The following ZNF141 variants were observed in gnomAD, a reference collection of about 807,000 sequenced individuals.
ZNF141 encodes the protein zinc finger protein 141 (clone pHZ-44).
Under a neutral mutation model 11.3 loss-of-function variants are expected in ZNF141, and 7 were observed. The ratio of observed to expected loss-of-function variants is 0.62; its 90% confidence interval spans 0.35 to 1.16. The LOEUF (loss-of-function observed/expected upper bound fraction) is 1.16. Ranked by LOEUF, ZNF141 falls within the 50% of genes most tolerant of loss-of-function variation. The pLI, the probability that ZNF141 is intolerant of heterozygous loss-of-function variation, is 0.02. For synonymous variants in ZNF141, 183 were observed against 190.7 expected (o/e 0.96, Z 0.33); for missense variants, 535 against 554.0 (o/e 0.97, Z 0.34).
chr4:350,195 T>C (rs377326975), intron 3 of ZNF141: 2 of 534,706 alleles, frequency 3.7e-6, no homozygotes, highest in Non-Finnish European at 7.7e-6. Flanking sequence ...TTTCCTTGTC[T>C]GTAGCCATGT....
chr4:338,829 T>C (rs2108678471), intron 1 of ZNF141, among the ~76,000 whole-genome samples: 1 of 152,312 alleles, frequency 6.6e-6, no homozygotes, highest in African/African-American at 2.4e-5. Context: ...GAGCATTGAC[T>C]GGTGTTGAGC....
chr4:377,490 T>G lies in ZNF141; in HGVS notation c.*3628T>G, dbSNP rs1712426056. ...TTCAGTTTTGTGATATCTTTATGAT[T>G]TATCCCCAGCTATGTATGCCTCAGA... On this transcript the variant is annotated 3_prime_UTR_variant, in exon 4 of 4. Coordinates refer to ENST00000240499, the MANE Select transcript of ZNF141 (RefSeq NM_003441.4). 6.6e-6 allele frequency among the ~76,000 whole-genome samples: 1 copy of G among 152,228 alleles called. No individual in the cohort carries two copies.
At position 349,708 on chromosome 4, in the gene ZNF141, G is replaced by A. The variant is rs376257631; in HGVS notation, c.226+5278G>A. ...GTTGTAGCTGGGTCACAAGGGTGCT[G>A]CTGGGTCTGCTGTGGGGTCTGCCTT... On this transcript the variant is annotated intron_variant, in intron 3 of 3. Transcript: ENST00000240499. Among the ~76,000 whole-genome samples, 148 of 152,312 alleles carry A rather than the reference G, an allele frequency of 9.7e-4. 8 individuals carry two copies. The South Asian group carries it at 0.03, about 31-fold the overall frequency.
chr4:370,366 T>C (rs1375516005), intron 3 of ZNF141, among the ~76,000 whole-genome samples: 1 of 152,196 alleles, frequency 6.6e-6, no homozygotes, highest in Admixed American at 6.5e-5. Context: ...CATCCTGTTA[T>C]TTTCAATGGA....
chr4:380,708 TATC>T lies in ZNF141; in HGVS notation c.*6847_*6849del, dbSNP rs1553855436. 6.6e-6 allele frequency among the ~76,000 whole-genome samples: 1 copy of T among 151,980 alleles called. No individual in the cohort carries two copies. On this transcript the variant is annotated 3_prime_UTR_variant, in exon 4 of 4. Coordinates refer to ENST00000240499, the MANE Select transcript of ZNF141 (RefSeq NM_003441.4). Reference sequence around the variant, plus strand: ...AGAAAATTAATAGCATAGGTATTATTATCCTCATTTTACAGAGAAAGAAACAGC... The same window carrying T: ...AGAAAATTAATAGCATAGGTATTATTCTCATTTTACAGAGAAAGAAACAGC...
intron 3 of ZNF141, among the ~76,000 whole-genome samples, chr4:370,524 C>T (rs1043009384): frequency 3.3e-5 from 5 of 152,072 alleles, no homozygotes; most frequent in African/African-American, 7.2e-5. Context: ...ATTTTTCCTT[C>T]AGCACGTTAA....
At chr4:367,914 C>A (rs1711828211) in intron 3 of ZNF141, among the ~76,000 whole-genome samples, 1 of 152,094 alleles carries the variant, frequency 6.6e-6, no homozygotes, top group Admixed American at 6.6e-5. Flanking sequence ...ATACACGTGC[C>A]ATAAATACTT....
In ZNF141 at chr4:378,424, C is replaced by T. The variant is rs1712468353; in HGVS notation, c.*4562C>T. ...AACTGGGACTACAATCGCCTGCCACCACGCCCAGTTAATTTTTATATTTTT... is the reference window on the plus strand; with the variant it reads ...AACTGGGACTACAATCGCCTGCCACTACGCCCAGTTAATTTTTATATTTTT... On this transcript the variant is annotated 3_prime_UTR_variant, in exon 4 of 4. Coordinates refer to ENST00000240499, the MANE Select transcript of ZNF141 (RefSeq NM_003441.4). Among the ~76,000 whole-genome samples, 1 of 151,896 alleles carries T rather than the reference C, an allele frequency of 6.6e-6. No homozygotes were observed.
At chr4:338,243 T>A (rs538463644) in intron 1 of ZNF141, 1 of 440,938 alleles carries the variant, frequency 2.3e-6, no homozygotes, top group Non-Finnish European at 4.1e-6. Context: ...GAGTAGCTTA[T>A]CTGGAAGCCG....
intron 1 of ZNF141, among the ~76,000 whole-genome samples, chr4:340,088 A>G (rs1720977470): frequency 6.6e-6 from 1 of 152,072 alleles, no homozygotes; most frequent in Admixed American, 6.5e-5. Flanking sequence ...CTAACAACAC[A>G]TTTTCTTGCT....
At chr4:345,205 A>C (rs1489920711) in intron 3 of ZNF141, among the ~76,000 whole-genome samples, 1 of 152,198 alleles carries the variant, frequency 6.6e-6, no homozygotes, top group African/African-American at 2.4e-5. Flanking sequence ...TTTTCTACTT[A>C]GTGTTTTTTA....
Position 382,514 on chromosome 4 carries a change from G to A in ZNF141, c.*8652G>A, listed in dbSNP as rs1467577584. ...TGCAAAGAATTTGTAGGTATGATTA[G>A]TGCATTATAGGTGTTTTCAAATTTC... On this transcript the variant is annotated 3_prime_UTR_variant, in exon 4 of 4. Coordinates refer to ENST00000240499, the MANE Select transcript of ZNF141 (RefSeq NM_003441.4). 1 of 152,204 alleles carries A rather than the reference G, an allele frequency of 6.6e-6. No homozygotes were observed. Among genetic ancestry groups the A allele is most frequent in the Non-Finnish European group, 1.5e-5 (1 of 68,032 alleles). 9.4% of individuals were successfully genotyped at this position (152,204 alleles called of 1,614,324 possible).
rs6828715 is a variant in ZNF141 at position 377,784 on chromosome 4, A to G, written c.*3922A>G. 0.99 allele frequency among the ~76,000 whole-genome samples: 150,898 copies of G among 152,326 alleles called. 74,751 individuals carry two copies. Among genetic ancestry groups the G allele is most frequent in the East Asian group, 1 (5,190 of 5,190 alleles). ...TGTAACAAAAGTTAGAATAAGTAAA[A>G]CATTAATATAAGTGGGTTGTATATT... On this transcript the variant is annotated 3_prime_UTR_variant, in exon 4 of 4. Transcript: ENST00000240499.
intron 1 of ZNF141, among the ~76,000 whole-genome samples, chr4:341,071 T>C (rs1345665501): frequency 1.5e-5 from 2 of 130,342 alleles, no homozygotes; most frequent in Non-Finnish European, 3.2e-5. Flanking sequence ...AAAACATTTT[T>C]CTTTTTTTTT....
In ZNF141 at chr4:384,717, C is replaced by T. The variant is rs1318629557; in HGVS notation, c.*10855C>T. On this transcript the variant is annotated 3_prime_UTR_variant, in exon 4 of 4. Coordinates refer to ENST00000240499, the MANE Select transcript of ZNF141 (RefSeq NM_003441.4). ...CAACACCCTTAGCGGGGAAATTTAC[C>T]CCTCCCATTTGGGCAGAACCCACAG... is the stretch of plus-strand genomic sequence containing the variant. 1.3e-5 allele frequency: 2 copies of T among 152,212 alleles called. No homozygotes were observed. The highest frequency in any genetic ancestry group is 2.9e-5 in the Non-Finnish European group (2 of 68,060). 9.4% of individuals were successfully genotyped at this position (152,212 alleles called of 1,614,324 possible). A position where few individuals can be genotyped will look rare whatever the true frequency, so the allele number is the denominator to read the frequency against.
Position 379,968 on chromosome 4 carries a change from A to T in ZNF141, c.*6106A>T, listed in dbSNP as rs113883159. Among the ~76,000 whole-genome samples the T allele has an allele frequency of 3.3e-5, 5 of 152,348 alleles. No individual in the cohort carries two copies. Among genetic ancestry groups the T allele is most frequent in the African/African-American group, 1.2e-4 (5 of 41,588 alleles). ...CCAAAAATACATTATTGTTAACTGT[A>T]GTCACCATGCTGTACAATAGATTTC... On this transcript the variant is annotated 3_prime_UTR_variant, in exon 4 of 4. Transcript: ENST00000240499.
rs1168800783 is a variant in ZNF141 at position 378,708 on chromosome 4, G to A, written c.*4846G>A. 6.6e-6 allele frequency among the ~76,000 whole-genome samples: 1 copy of A among 152,018 alleles called. No homozygotes were observed. The highest frequency in any genetic ancestry group is 1.5e-5 in the Non-Finnish European group (1 of 68,014). On this transcript the variant is annotated 3_prime_UTR_variant, in exon 4 of 4. Coordinates refer to ENST00000240499, the MANE Select transcript of ZNF141 (RefSeq NM_003441.4). Reference sequence around the variant, plus strand: ...GAATTTCTCATAATTCTTTGTTTTAGTGGATGCATTTCATGGGCTACAGTT... The same window carrying A: ...GAATTTCTCATAATTCTTTGTTTTAATGGATGCATTTCATGGGCTACAGTT...
At chr4:358,435 C>G in intron 3 of ZNF141, 4 of 264,428 alleles carry the variant, frequency 1.5e-5, no homozygotes, top group South Asian at 1.3e-4. Context: ...ATCCGCCTGC[C>G]TCAGCCTCCT....
At position 380,384 on chromosome 4, in the gene ZNF141, T is replaced by C. The variant is rs1404137562; in HGVS notation, c.*6522T>C. On this transcript the variant is annotated 3_prime_UTR_variant, in exon 4 of 4. Transcript: ENST00000240499. Reference sequence around the variant, plus strand: ...AAATTTTATTTTCGGCCAGGCGTGGTGGCTCACACCTGTAATCCCAGCACT... The same window carrying C: ...AAATTTTATTTTCGGCCAGGCGTGGCGGCTCACACCTGTAATCCCAGCACT... Among the ~76,000 whole-genome samples the C allele has an allele frequency of 6.6e-6, 1 of 152,214 alleles. No homozygotes were observed. The highest frequency in any genetic ancestry group is 1.5e-5 in the Non-Finnish European group (1 of 68,046).
Sources: allele counts gnomAD v4.1 joint callset (sites outside exome capture counted in the v4.1 genomes callset), GRCh38; gene constraint gnomAD v4.1.1; transcripts MANE v1.5; gene names NCBI Gene and HGNC (gene_info 2026-07-23, HGNC 2026-07-21).